The following SKAP2 variants were observed in gnomAD, a reference collection of about 807,000 sequenced individuals.
SKAP2 encodes the protein src kinase associated phosphoprotein 2.
SKAP2 carries 28 observed loss-of-function variants against 54.9 expected under a neutral mutation model. That is an observed-to-expected ratio of 0.51 (90% confidence interval 0.38 to 0.70). SKAP2 has a LOEUF of 0.70. Ranked by LOEUF, SKAP2 falls within the 30% of genes least tolerant of loss-of-function variation. SKAP2 has a pLI of 0.00. For synonymous variants in SKAP2, 137 were observed against 134.3 expected (o/e 1.02, Z -0.14); for missense variants, 356 against 424.1 (o/e 0.84, Z 1.41).
At chr7:26,835,411 T>C (rs1784686884) in intron 4 of SKAP2, among the ~76,000 whole-genome samples, 1 of 152,142 alleles carries the variant, frequency 6.6e-6, no homozygotes, top group Non-Finnish European at 1.5e-5. Flanking sequence ...AAATTGTCTG[T>C]TTGCAGATGA....
intron 1 of SKAP2, among the ~76,000 whole-genome samples, chr7:26,855,997 T>G (rs114148933): frequency 0.026 from 3,988 of 152,178 alleles, 170 homozygotes; most frequent in African/African-American, 0.091. Flanking sequence ...AATCTAATAA[T>G]CTTTCAACTG....
At chr7:26,768,327 T>G (rs1175060983) in intron 4 of SKAP2, among the ~76,000 whole-genome samples, 1 of 151,218 alleles carries the variant, frequency 6.6e-6, no homozygotes, top group Non-Finnish European at 1.5e-5. Flanking sequence ...TATTCCTCCA[T>G]CCCTTTATTT....
At chr7:26,686,730 T>G (rs1786651037) in intron 10 of SKAP2, among the ~76,000 whole-genome samples, 1 of 152,198 alleles carries the variant, frequency 6.6e-6, no homozygotes, top group Non-Finnish European at 1.5e-5. Flanking sequence ...GTTGTGCCCC[T>G]TGCAGTCTGT....
chr7:26,833,834 T>C, intron 4 of SKAP2, among the ~76,000 whole-genome samples: 1 of 152,136 alleles, frequency 6.6e-6, no homozygotes, highest in East Asian at 1.9e-4. Flanking sequence ...AGCTCAGCAC[T>C]GGACCAAGCA....
intron 4 of SKAP2, among the ~76,000 whole-genome samples, chr7:26,801,138 C>T (rs1320588743): frequency 6.6e-6 from 1 of 152,130 alleles, no homozygotes; most frequent in Non-Finnish European, 1.5e-5. Flanking sequence ...TTCAACAATG[C>T]ATTAGACAGA....
chr7:26,862,451 T>C (rs1394355589), intron 1 of SKAP2, among the ~76,000 whole-genome samples: 1 of 152,048 alleles, frequency 6.6e-6, no homozygotes, highest in East Asian at 1.9e-4. Context: ...AAAGTTTTAA[T>C]TGTAATATTT....
chr7:26,678,221 A>G (rs897212757), intron 11 of SKAP2, among the ~76,000 whole-genome samples: 4 of 152,160 alleles, frequency 2.6e-5, no homozygotes, highest in African/African-American at 9.7e-5. Context: ...AATGCTCAAT[A>G]AACACTTTTT....
intron 7 of SKAP2, chr7:26,726,592 T>C: frequency 4.4e-6 from 1 of 227,194 alleles, no homozygotes; most frequent in East Asian, 1.1e-4. Context: ...GATCACCTAG[T>C]GCTATGCAAC....
chr7:26,819,729 ATAT>A (rs747461158), intron 4 of SKAP2, among the ~76,000 whole-genome samples: 16 of 152,182 alleles, frequency 1.1e-4, no homozygotes, highest in Non-Finnish European at 1.8e-4. Context: ...ATGTTTGATA[ATAT>A]TAGGTAATTG....
At chr7:26,847,001 A>G (rs1036424406) in intron 3 of SKAP2, among the ~76,000 whole-genome samples, 12 of 152,042 alleles carry the variant, frequency 7.9e-5, no homozygotes, top group Non-Finnish European at 1.5e-4. Context: ...TCAAAAAATC[A>G]AAATAAAAAT....
intron 11 of SKAP2, among the ~76,000 whole-genome samples, chr7:26,680,520 T>C (rs1786467767): frequency 6.6e-6 from 1 of 152,206 alleles, no homozygotes; most frequent in South Asian, 2.1e-4. Context: ...CTGAAACCAA[T>C]TGTTAATTCA....
intron 4 of SKAP2, among the ~76,000 whole-genome samples, chr7:26,812,667 ATTTC>A (rs1441203670): frequency 2.6e-5 from 4 of 152,126 alleles, no homozygotes; most frequent in African/African-American, 9.6e-5. Context: ...GTTTCGCATT[ATTTC>A]TTTAAGGTAT....
At chr7:26,677,343 A>G (rs111251852) in intron 11 of SKAP2, among the ~76,000 whole-genome samples, 10,336 of 150,746 alleles carry the variant, frequency 0.069, 1,174 homozygotes, top group African/African-American at 0.24. Context: ...AGTGAGCTGA[A>G]ATTGCATCAC....
At chr7:26,757,998 T>C (rs568035470) in intron 4 of SKAP2, among the ~76,000 whole-genome samples, 1 of 152,322 alleles carries the variant, frequency 6.6e-6, no homozygotes, top group East Asian at 1.9e-4. Flanking sequence ...CCTGACCTCA[T>C]GATCCACCCA....
intron 11 of SKAP2, among the ~76,000 whole-genome samples, chr7:26,679,781 AG>A (rs970121989): frequency 6.6e-6 from 1 of 152,244 alleles, no homozygotes; most frequent in African/African-American, 2.4e-5. Context: ...AGCCAAAAAA[AG>A]CCATAGTAAC....
chr7:26,667,039 A>G (rs1344809154), downstream of SKAP2: 1 of 152,232 alleles, frequency 6.6e-6, no homozygotes, highest in Non-Finnish European at 1.5e-5. Flanking sequence ...GTAACACAGC[A>G]GGCTGTTGAA....
chr7:26,716,174 C>A (rs1429656494), intron 9 of SKAP2, among the ~76,000 whole-genome samples: 1 of 152,092 alleles, frequency 6.6e-6, no homozygotes. Context: ...GTGGTTAAAT[C>A]TTTATATCCT....
intron 9 of SKAP2, among the ~76,000 whole-genome samples, chr7:26,711,797 C>A (rs148816895): frequency 6.6e-6 from 1 of 152,152 alleles, no homozygotes; most frequent in South Asian, 2.1e-4. Context: ...TCTGTTGGCA[C>A]CACGTAGAAT....
chr7:26,747,144 T>TTCAAA (rs3069852), intron 4 of SKAP2, among the ~76,000 whole-genome samples: 7,361 of 152,266 alleles, frequency 0.048, 605 homozygotes, highest in African/African-American at 0.17. Flanking sequence ...TGTGTTACTT[T>TTCAAA]AGCATAGTCT....
Sources: gnomAD v4.1 joint callset for allele counts (sites outside exome capture counted in the v4.1 genomes callset) on GRCh38, gnomAD v4.1.1 for gene constraint, MANE v1.5 for transcripts, NCBI Gene and HGNC (gene_info 2026-07-23, HGNC 2026-07-21) for gene names.